Variants in P4HA1 observed in about 807,000 individuals in gnomAD.
P4HA1 encodes prolyl 4-hydroxylase subunit alpha-1.
Under a neutral mutation model 72.8 loss-of-function variants are expected in P4HA1, and 24 were observed. The ratio of observed to expected loss-of-function variants is 0.33; its 90% CI spans 0.24 to 0.46. The LOEUF (loss-of-function observed/expected upper bound fraction) is 0.46, where lower values mean the gene tolerates loss of function less well. Among genes scored for constraint, P4HA1 ranks in the 20% least tolerant of loss-of-function variants. The pLI, the probability that P4HA1 is intolerant of heterozygous loss-of-function variation, is 1.00. For missense variants in P4HA1, 446 were observed against 640.6 expected, an observed-to-expected ratio of 0.70 and a Z score of 3.28; for synonymous variants, 201 against 218.8, an observed-to-expected ratio of 0.92 and a Z score of 0.72.
chr10:73,056,914 G>T (rs566107776), intron 5 of P4HA1, among the ~76,000 whole-genome samples: 1 of 151,188 alleles, frequency 6.6e-6, no homozygotes, highest in Non-Finnish European at 1.5e-5. Context: ...CAAAAACTTC[G>T]CCGGGCGTGG....
At chr10:73,085,963 C>T (rs1841917001) in intron 1 of P4HA1, among the ~76,000 whole-genome samples, 1 of 152,086 alleles carries the variant, frequency 6.6e-6, no homozygotes, top group Non-Finnish European at 1.5e-5. Context: ...CTGTGAATGG[C>T]CACTGTACTC....
chr10:73,045,635 G>T (rs900053158), intron 8 of P4HA1, among the ~76,000 whole-genome samples: 4 of 151,996 alleles, frequency 2.6e-5, no homozygotes, highest in Non-Finnish European at 5.9e-5. Context: ...AAAACAGCAA[G>T]AAAGAGGTGA....
At chr10:73,042,337 C>T (rs77006767) in intron 9 of P4HA1, among the ~76,000 whole-genome samples, 7,978 of 152,194 alleles carry the variant, frequency 0.052, 670 homozygotes, top group African/African-American at 0.18. Context: ...GCTGAATCAA[C>T]ACATTCGGTC....
At chr10:73,008,361 CT>C in intron 14 of P4HA1, 69 bp from the exon 15 acceptor site, 1 of 991,670 alleles carries the variant, frequency 1.0e-6, no homozygotes, top group Non-Finnish European at 1.6e-6. Flanking sequence ...TTTCTAAAAG[CT>C]AGGTCTATAA....
rs770671220 is a variant in P4HA1 at position 73,014,200 on chromosome 10, C to T, written c.1368+24G>A. The T allele has an allele frequency of 2.6e-6, 4 of 1,525,624 alleles. No homozygotes were observed. The South Asian group carries it at 4.5e-5, about 17-fold the overall frequency. The allele number at this position is 1,525,624 out of a possible 1,614,324, so 94.5% of individuals were successfully genotyped here. ...TCTTGTCATCAAATCCCAACTTAAT[C>T]TAAAAATTTTAGTGACGACTTACAT... is the stretch of plus-strand genomic sequence containing the variant. On this transcript the variant is annotated intron_variant, in intron 12 of 14. Transcript: ENST00000394890.
intron 5 of P4HA1, chr10:73,065,360 A>T (rs1412266317): frequency 6.6e-6 from 1 of 152,220 alleles, no homozygotes; most frequent in East Asian, 1.9e-4. Context: ...GTCAAAATGC[A>T]TGTAACCTAT....
chr10:73,088,071 T>C (rs1191410398), intron 1 of P4HA1, among the ~76,000 whole-genome samples: 1 of 152,162 alleles, frequency 6.6e-6, no homozygotes, highest in African/African-American at 2.4e-5. Context: ...ATGAACATTT[T>C]TTAAAATAGA....
In P4HA1 at chr10:73,042,539, A is replaced by C. The variant is rs1041328687; in HGVS notation, c.1148+2442T>G. ...CGTTGGTAATTTCTAAAAAATGATT[A>C]CTTTAAATGTATCCACTGGAATCTA... is the stretch of plus-strand genomic sequence containing the variant. On this transcript the variant is annotated intron_variant, in intron 9 of 14. Coordinates refer to ENST00000394890, the MANE Select transcript of P4HA1 (RefSeq NM_001017962.3). Among the ~76,000 whole-genome samples the C allele has an allele frequency of 2.0e-5, 3 of 152,340 alleles. No homozygotes were observed. In the East Asian group the frequency reaches 5.8e-4, roughly 29 times the overall value.
intron 1 of P4HA1, among the ~76,000 whole-genome samples, chr10:73,087,042 A>G (rs1841937685): frequency 6.6e-6 from 1 of 151,512 alleles, no homozygotes; most frequent in Non-Finnish European, 1.5e-5. Context: ...GTATATATTT[A>G]CCTTCATAAA....
intron 5 of P4HA1, among the ~76,000 whole-genome samples, chr10:73,062,646 TA>T (rs1230719255): frequency 2.6e-5 from 4 of 152,198 alleles, no homozygotes. Context: ...GTTTCTTTAA[TA>T]AATTTTGATT....
intron 1 of P4HA1, among the ~76,000 whole-genome samples, chr10:73,091,835 C>T (rs973770914): frequency 2.4e-4 from 36 of 152,106 alleles, no homozygotes; most frequent in Non-Finnish European, 4.0e-4. Context: ...ATTCTTAGTA[C>T]AAAAAAGTTA....
intron 9 of P4HA1, among the ~76,000 whole-genome samples, chr10:73,037,814 G>C (rs1840634360): frequency 6.6e-6 from 1 of 150,400 alleles, no homozygotes; most frequent in Admixed American, 6.6e-5. Context: ...TTACAGAGCA[G>C]TGTTGTTAAA....
At chr10:73,012,654 AG>A (rs1589570373) in intron 12 of P4HA1, among the ~76,000 whole-genome samples, 1 of 152,282 alleles carries the variant, frequency 6.6e-6, no homozygotes, top group East Asian at 1.9e-4. Flanking sequence ...GAAGAGAAAA[AG>A]GAAATAGACT....
At chr10:73,059,648 C>G (rs1404019066) in intron 5 of P4HA1, among the ~76,000 whole-genome samples, 2 of 150,986 alleles carry the variant, frequency 1.3e-5, no homozygotes, top group Non-Finnish European at 3.0e-5. Flanking sequence ...GAGGCTGAGA[C>G]AGGAGAATGG....
intron 2 of P4HA1, among the ~76,000 whole-genome samples, chr10:73,074,318 G>A (rs779073060): frequency 7.2e-5 from 11 of 152,036 alleles, no homozygotes; most frequent in Non-Finnish European, 1.5e-4. Context: ...AGAGTCATAA[G>A]TATATAATAC....
intron 9 of P4HA1, among the ~76,000 whole-genome samples, chr10:73,031,794 T>TA (rs1840439250): frequency 6.6e-6 from 1 of 152,194 alleles, no homozygotes; most frequent in African/African-American, 2.4e-5. Flanking sequence ...ATACGGGAAC[T>TA]ATATCTCAAT....
At chr10:73,037,553 ATATATATATATATATATATTTTTT>A (rs1564624883) in intron 9 of P4HA1, among the ~76,000 whole-genome samples, 3 of 32,208 alleles carry the variant, frequency 9.3e-5, no homozygotes, top group African/African-American at 3.8e-4. Flanking sequence ...ATATATATAT[ATATATATATATATATATATTTTTT>A]TTTTTTTTTT....
intron 9 of P4HA1, among the ~76,000 whole-genome samples, chr10:73,033,818 G>A (rs932227182): frequency 9.9e-5 from 15 of 152,184 alleles, no homozygotes; most frequent in African/African-American, 3.6e-4. Context: ...GACGTTGGAC[G>A]AAGCAATGGT....
chr10:73,064,890 G>C (rs1374761121), intron 5 of P4HA1, among the ~76,000 whole-genome samples: 1 of 151,384 alleles, frequency 6.6e-6, no homozygotes, highest in Non-Finnish European at 1.5e-5. Flanking sequence ...AACTGAGAGA[G>C]ACATCATCCG....
Sources: allele counts gnomAD v4.1 joint callset (sites outside exome capture counted in the v4.1 genomes callset), GRCh38; gene constraint gnomAD v4.1.1; transcripts MANE v1.5; gene names NCBI Gene and HGNC (gene_info 2026-07-23, HGNC 2026-07-21).